MAP4K2: variants seen among roughly 807,000 people sequenced by gnomAD.
MAP4K2 encodes mitogen-activated protein kinase kinase kinase kinase 2, also known as B lymphocyte serine/threonine protein kinase.
MAP4K2 carries 85 observed loss-of-function variants against 125.3 expected under a neutral mutation model. The observed-to-expected ratio is 0.68, with a 90% CI of 0.57 to 0.81. The LOEUF is 0.81. Ranked by LOEUF, MAP4K2 falls within the 40% of genes least tolerant of loss-of-function variation. MAP4K2 has a pLI of 0.00. For missense variants in MAP4K2, 923 were observed against 1,056.4 expected, an observed-to-expected ratio of 0.87 and a Z score of 1.75; for synonymous variants, 479 against 445.1, an observed-to-expected ratio of 1.08 and a Z score of -0.96.
intron 14 of MAP4K2, 99 bp from the exon 15 acceptor site, chr11:64,798,936 C>T (rs765247168): frequency 7.7e-5 from 78 of 1,015,290 alleles, no homozygotes; most frequent in Non-Finnish European, 1.1e-4. Flanking sequence ...GACAGACAGA[C>T]AGACGGGAAA....
chr11:64,794,557 G>A (rs1456035924), intron 24 of MAP4K2, among the ~76,000 whole-genome samples: 1 of 151,918 alleles, frequency 6.6e-6, no homozygotes, highest in South Asian at 2.1e-4. Context: ...ACGGGGTTTC[G>A]CCATGTTGAC....
At chr11:64,790,113 G>T (rs757265094) in intron 29 of MAP4K2, 75 bp downstream of exon 29, 2 of 1,570,120 alleles carry the variant, frequency 1.3e-6, no homozygotes. Context: ...TCATCCTACC[G>T]CCAGCCCCAG....
intron 24 of MAP4K2, 28 bp downstream of exon 24, chr11:64,796,245 C>T (rs369893821): frequency 7.9e-6 from 12 of 1,513,680 alleles, no homozygotes; most frequent in South Asian, 1.3e-5. Context: ...CTCTGCCTCC[C>T]GCTCCCTGCA....
In MAP4K2 at chr11:64,789,369, TC is replaced by T. The variant is rs1247193836; in HGVS notation, c.*167del. On this transcript the variant is annotated 3_prime_UTR_variant, in exon 32 of 32. Coordinates refer to ENST00000294066, the MANE Select transcript of MAP4K2 (RefSeq NM_004579.5). ...CAGTTATTGCAGAGGCGTCGGGGGC[TC>T]CCCTCCCTCCCCAGGCCTGAAACAT... The T allele has an allele frequency of 1.4e-5, 9 of 629,694 alleles. No individual in the cohort carries two copies. Among genetic ancestry groups the T allele is most frequent in the Non-Finnish European group, 2.5e-5 (9 of 363,852 alleles). 39.0% of individuals were successfully genotyped at this position (629,694 alleles called of 1,614,324 possible).
intron 24 of MAP4K2, among the ~76,000 whole-genome samples, chr11:64,792,792 C>T (rs977037676): frequency 6.6e-6 from 1 of 152,158 alleles, no homozygotes; most frequent in Non-Finnish European, 1.5e-5. Context: ...TGAGTTAATA[C>T]AGGGGAGGTG....
Position 64,796,793 on chromosome 11 carries a change from C to T in MAP4K2, c.1492+16G>A. On this transcript the variant is annotated intron_variant, in intron 21 of 31. Transcript: ENST00000294066. ...GGGATTCCTTGGGCTCCCGCTTCCT[C>T]CCTGCCCCCACCTACCCCGAGTAAC... 6.2e-7 allele frequency: 1 copy of T among 1,613,742 alleles called. No individual in the cohort carries two copies. Among genetic ancestry groups the T allele is most frequent in the Non-Finnish European group, 8.5e-7 (1 of 1,180,034 alleles).
chr11:64,793,026 G>T, intron 24 of MAP4K2, among the ~76,000 whole-genome samples: 1 of 152,172 alleles, frequency 6.6e-6, no homozygotes, highest in East Asian at 1.9e-4. Flanking sequence ...AGACCAGCCT[G>T]ACCAACATAG....
At position 64,800,839 on chromosome 11, in the gene MAP4K2, C is replaced by T. The variant is rs747474571; in HGVS notation, c.663-13G>A. On this transcript the variant is annotated splice_polypyrimidine_tract_variant and intron_variant, in intron 9 of 31. Transcript: ENST00000294066. ...GAGCATCAGGGCCCTGTGGAGGGCG[C>T]GAGGTCAGGGGCCACAGGCCGCAGA... 7 of 1,613,090 alleles carry T rather than the reference C, an allele frequency of 4.3e-6. No individual in the cohort carries two copies. Among genetic ancestry groups the T allele is most frequent in the African/African-American group, 2.7e-5 (2 of 74,910 alleles).
At chr11:64,802,296 TCA>T in intron 4 of MAP4K2, 121 bp downstream of exon 4, 1 of 1,171,674 alleles carries the variant, frequency 8.5e-7, no homozygotes, top group Non-Finnish European at 1.2e-6. Context: ...TCTCTCAAGG[TCA>T]CACAGCCAGG....
In MAP4K2 at chr11:64,792,024, C is replaced by A; in HGVS notation, c.1977G>T (p.Lys659Asn). Reference sequence around the variant, plus strand: ...CCCCAACACACACCTGCGGCAGCTCCTTCCCATCCAGCACCAGCGGCTCCA... The same window carrying A: ...CCCCAACACACACCTGCGGCAGCTCATTCCCATCCAGCACCAGCGGCTCCA... ...GMLEPLVLDG[K>N]ELPQVCVGAE... Residue 659 changes from lysine (K) to asparagine (N), a missense_variant, in exon 27 of 32, where the codon AAG (lysine) becomes AAT (asparagine). Physicochemically the swap from Lys to Asn is moderately conservative, Grantham distance 94. Coordinates refer to ENST00000294066, the MANE Select transcript of MAP4K2 (RefSeq NM_004579.5). 6.3e-7 allele frequency: 1 copy of A among 1,597,716 alleles called. No homozygotes were observed. The highest frequency in any genetic ancestry group is 2.3e-5 in the East Asian group (1 of 44,088).
Position 64,789,464 on chromosome 11 carries a change from G to A in MAP4K2, c.*73C>T, listed in dbSNP as rs576550210. On this transcript the variant is annotated 3_prime_UTR_variant, in exon 32 of 32. Coordinates refer to ENST00000294066, the MANE Select transcript of MAP4K2 (RefSeq NM_004579.5). ...CCTGGGCTCCTCTGGTCTAGGATGG[G>A]CCCCTTTGCCCAAAAGGGCCTGCAG... 477 of 1,358,944 alleles carry A rather than the reference G, an allele frequency of 3.5e-4. 1 individual carries two copies. The highest frequency in any genetic ancestry group is 4.1e-4 in the Non-Finnish European group (403 of 974,016). 84.2% of individuals were successfully genotyped at this position (1,358,944 alleles called of 1,614,324 possible). A position where few individuals can be genotyped will look rare whatever the true frequency, so the allele number is the denominator to read the frequency against.
At position 64,797,145 on chromosome 11, in the gene MAP4K2, G is replaced by A. The variant is rs1940858492; in HGVS notation, c.1324C>T (p.Pro442Ser). The A allele has an allele frequency of 1.9e-6, 3 of 1,614,138 alleles. No individual in the cohort carries two copies. Among genetic ancestry groups the A allele is most frequent in the African/African-American group, 2.7e-5 (2 of 75,040 alleles). The change falls in exon 19 of 32, where the codon CCC becomes TCC. Residue 442 changes from proline (P) to serine (S), a missense_variant. Pro to Ser is a moderately conservative substitution (Grantham distance 74). This residue lies in a region of MAP4K2 where 833 missense variants were observed against 911.4 expected (regional missense o/e 0.91). Coordinates refer to ENST00000294066, the MANE Select transcript of MAP4K2 (RefSeq NM_004579.5). Reference sequence around the variant, plus strand: ...TGCTTCATGGTGGCCCAGGCCGTGGGCAGCAGTGGGGAGCTGTTGGGGCCT... The same window carrying A: ...TGCTTCATGGTGGCCCAGGCCGTGGACAGCAGTGGGGAGCTGTTGGGGCCT... The part of the protein sequence containing the change: ...PSGPNSSPLL[P>S]TAWATMKQRE...
chr11:64,789,331 G>A lies in MAP4K2; in HGVS notation c.*206C>T. The A allele has an allele frequency of 1.7e-6, 1 of 580,762 alleles. No individual in the cohort carries two copies. The highest frequency in any genetic ancestry group is 3.1e-6 in the Non-Finnish European group (1 of 326,250). The allele number at this position is 580,762 out of a possible 1,614,324, so 36.0% of individuals were successfully genotyped here. On this transcript the variant is annotated 3_prime_UTR_variant, in exon 32 of 32. Coordinates refer to ENST00000294066, the MANE Select transcript of MAP4K2 (RefSeq NM_004579.5). The stretch of plus-strand genomic sequence containing the variant: ...CCTCGGGGATGGGGGAGTGACAGCA[G>A]CTCCCCCTGGTCCAGTTATTGCAGA...
rs1592615361 is a variant in MAP4K2 at position 64,802,412 on chromosome 11, G to T, written c.310+7C>A. On this transcript the variant is annotated splice_region_variant and intron_variant, in intron 4 of 31. Coordinates refer to ENST00000294066, the MANE Select transcript of MAP4K2 (RefSeq NM_004579.5). Reference sequence around the variant, plus strand: ...GGGCCTGCTGGGGCCTGGAGCCCTGGCCTCACCATGGTAAATCTCCTGCAG... The same window carrying T: ...GGGCCTGCTGGGGCCTGGAGCCCTGTCCTCACCATGGTAAATCTCCTGCAG... 6.7e-7 allele frequency: 1 copy of T among 1,490,710 alleles called. No homozygotes were observed. The highest frequency in any genetic ancestry group is 8.9e-7 in the Non-Finnish European group (1 of 1,120,080). The allele number at this position is 1,490,710 out of a possible 1,614,324, so 92.3% of individuals were successfully genotyped here.
Position 64,791,956 on chromosome 11 carries a change from A to G in MAP4K2, c.2045T>C (p.Val682Ala), listed in dbSNP as rs1330871519. The change falls in exon 27 of 32, where the codon GTC (valine) becomes GCC (alanine). Residue 682 changes from valine to alanine, a missense_variant. Coordinates refer to ENST00000294066, the MANE Select transcript of MAP4K2 (RefSeq NM_004579.5). ...EGPGCRVLFH[V>A]LPLEAGLTPD... is the part of the protein sequence containing the mutation. The stretch of plus-strand genomic sequence containing the variant: ...CGTCAGGCCAGCCTCCAGGGGCAGG[A>G]CATGGAACAGGACGCGGCAGCCGGG... 1.4e-5 allele frequency: 23 copies of G among 1,606,780 alleles called. No homozygotes were observed. Among genetic ancestry groups the G allele is most frequent in the Non-Finnish European group, 1.9e-5 (22 of 1,177,138 alleles).
chr11:64,802,800 C>A, intron 2 of MAP4K2, 85 bp downstream of exon 2: 1 of 1,511,438 alleles, frequency 6.6e-7, no homozygotes, highest in Non-Finnish European at 9.0e-7. Flanking sequence ...TCAGGGGTCT[C>A]GGAAACGTCA....
At chr11:64,802,847 C>T (rs750764040) in intron 2 of MAP4K2, 38 bp downstream of exon 2, 4 of 1,585,436 alleles carry the variant, frequency 2.5e-6, no homozygotes, top group Non-Finnish European at 1.7e-6. Flanking sequence ...GGGCGCTCTG[C>T]CCTTCCTCTG....
At position 64,796,649 on chromosome 11, in the gene MAP4K2, C is replaced by T; in HGVS notation, c.1557G>A (p.Glu519=). 2 of 1,614,152 alleles carry T rather than the reference C, an allele frequency of 1.2e-6. No individual in the cohort carries two copies. The highest frequency in any genetic ancestry group is 1.7e-6 in the Non-Finnish European group (2 of 1,180,048). The change falls in exon 22 of 32, where the codon GAG becomes GAA. Residue 519 remains glutamate, a synonymous_variant. Transcript: ENST00000294066. ...CGGGCCTCACCTTCTCCAGCGTATC[C>T]TCATGCAGTTCATGCAGGTTGAGTG... ...IYTLNLHELH[E]DTLEKLISHR...
intron 24 of MAP4K2, among the ~76,000 whole-genome samples, chr11:64,793,155 G>A (rs1940601034): frequency 6.6e-6 from 1 of 152,130 alleles, no homozygotes; most frequent in Admixed American, 6.5e-5. Context: ...GGCGGAGGTT[G>A]CAGTGAGCCG....
Sources: allele counts gnomAD v4.1 joint callset (sites outside exome capture counted in the v4.1 genomes callset), GRCh38; gene constraint gnomAD v4.1.1; regional missense constraint gnomAD v4.1.1; transcripts MANE v1.5; gene names NCBI Gene and HGNC (gene_info 2026-07-23, HGNC 2026-07-21).